Variants in ANKRD42 observed in about 807,000 individuals in gnomAD.
ANKRD42 encodes ankyrin repeat domain 42.
In ANKRD42, 43 loss-of-function variants were observed where a neutral mutation model predicts 51.5. That is an observed-to-expected ratio of 0.83 (90% confidence interval 0.65 to 1.08). The LOEUF is 1.08. Among genes scored for constraint, ANKRD42 ranks in the 50% least tolerant of loss-of-function variants. The pLI, the probability that ANKRD42 is intolerant of heterozygous loss-of-function variation, is 0.00. For synonymous variants in ANKRD42, 203 were observed against 213.0 expected (o/e 0.95, Z 0.41); for missense variants, 608 against 629.3 (o/e 0.97, Z 0.36).
intron 11 of ANKRD42, among the ~76,000 whole-genome samples, chr11:83,254,710 C>T (rs993992421): frequency 2.6e-5 from 4 of 152,150 alleles, no homozygotes; most frequent in African/African-American, 4.8e-5. Flanking sequence ...CGTGAGCCAC[C>T]GCACCTGGCC....
chr11:83,208,041 T>G (rs1862145991), intron 3 of ANKRD42, among the ~76,000 whole-genome samples: 1 of 152,150 alleles, frequency 6.6e-6, no homozygotes, highest in Non-Finnish European at 1.5e-5. Context: ...TTTTGTTTTT[T>G]GAGACAGGGT....
intron 5 of ANKRD42, among the ~76,000 whole-genome samples, chr11:83,219,511 T>G (rs2135519424): frequency 6.6e-6 from 1 of 152,328 alleles, no homozygotes; most frequent in African/African-American, 2.4e-5. Flanking sequence ...GTGGATGTCC[T>G]CTAGGCCAGG....
chr11:83,222,587 A>AT (rs1383686050), intron 5 of ANKRD42, among the ~76,000 whole-genome samples: 3 of 152,194 alleles, frequency 2.0e-5, no homozygotes, highest in African/African-American at 7.2e-5. Context: ...GAGGAAGCAG[A>AT]TTTTGTGGAT....
At chr11:83,222,041 C>G (rs1351737970) in intron 5 of ANKRD42, among the ~76,000 whole-genome samples, 1 of 152,148 alleles carries the variant, frequency 6.6e-6, no homozygotes, top group Non-Finnish European at 1.5e-5. Context: ...TTTCCATGAA[C>G]TTTGTGCTGG....
At position 83,234,183 on chromosome 11, in the gene ANKRD42, C is replaced by T. The variant is rs548630861; in HGVS notation, c.914-2221C>T. Among the ~76,000 whole-genome samples the T allele has an allele frequency of 9.9e-5, 15 of 152,268 alleles. No homozygotes were observed. The South Asian group carries it at 2.7e-3, about 27-fold the overall frequency. On this transcript the variant is annotated intron_variant, in intron 7 of 10. Coordinates refer to ENST00000533342, the MANE Select transcript of ANKRD42 (RefSeq NM_001300975.2). ...TCAGTCATTCAGAAGTACATTAAGA[C>T]ATTACCCTTTTCTTGGGTACCATCT...
At chr11:83,218,016 T>C (rs1862594334) in intron 5 of ANKRD42, among the ~76,000 whole-genome samples, 1 of 152,238 alleles carries the variant, frequency 6.6e-6, no homozygotes, top group Non-Finnish European at 1.5e-5. Context: ...AGGCAAACTT[T>C]TGGAGTTTTC....
At chr11:83,256,011 A>G (rs925506697) in exon 12 of ANKRD42, 9 of 1,048,192 alleles carry the variant, frequency 8.6e-6, no homozygotes, top group Non-Finnish European at 1.1e-5. Flanking sequence ...AGTCTATACA[A>G]ACTATCTCAG....
At chr11:83,241,238 T>C (rs1863377636) in intron 9 of ANKRD42, among the ~76,000 whole-genome samples, 1 of 152,192 alleles carries the variant, frequency 6.6e-6, no homozygotes, top group African/African-American at 2.4e-5. Context: ...CCATGGTTAG[T>C]TGGCAAATGA....
Position 83,248,399 on chromosome 11 carries a change from A to G in ANKRD42, c.*195A>G. ...ATCTGTCTATCTATCTTCAAACAGCAGCCTAGTTCATAAGTATTATTGTTA... is the reference window on the plus strand; with the variant it reads ...ATCTGTCTATCTATCTTCAAACAGCGGCCTAGTTCATAAGTATTATTGTTA... On this transcript the variant is annotated 3_prime_UTR_variant, in exon 11 of 11. Coordinates refer to ENST00000533342, the MANE Select transcript of ANKRD42 (RefSeq NM_001300975.2). The G allele has an allele frequency of 4.7e-6, 6 of 1,286,268 alleles. No individual in the cohort carries two copies. The highest frequency in any genetic ancestry group is 3.0e-5 in the East Asian group (1 of 32,974). 79.7% of individuals were successfully genotyped at this position (1,286,268 alleles called of 1,614,324 possible).
intron 2 of ANKRD42, among the ~76,000 whole-genome samples, chr11:83,202,317 C>T (rs534499304): frequency 6.6e-6 from 1 of 152,216 alleles, no homozygotes; most frequent in Non-Finnish European, 1.5e-5. Context: ...GGTGTTATTT[C>T]TGAGCACTCT....
downstream of ANKRD42, among the ~76,000 whole-genome samples, chr11:83,251,708 T>C (rs1863678270): frequency 6.6e-6 from 1 of 152,204 alleles, no homozygotes; most frequent in Non-Finnish European, 1.5e-5. Flanking sequence ...TTTTTAATTT[T>C]AGTAAATTAA....
chr11:83,243,908 C>T (rs1863463639), intron 9 of ANKRD42, among the ~76,000 whole-genome samples: 2 of 150,580 alleles, frequency 1.3e-5, no homozygotes, highest in Admixed American at 1.3e-4. Context: ...TCGTGATCTG[C>T]CTGCCTCGGC....
At chr11:83,197,447 TA>T (rs1861702177) in intron 1 of ANKRD42, among the ~76,000 whole-genome samples, 1 of 152,206 alleles carries the variant, frequency 6.6e-6, no homozygotes, top group African/African-American at 2.4e-5. Context: ...AAAGATGTAA[TA>T]AAAGTAAGAT....
rs1863252900 is a variant in ANKRD42 at position 83,237,328 on chromosome 11, A to G, written c.1019+819A>G. On this transcript the variant is annotated intron_variant, in intron 8 of 10. Coordinates refer to ENST00000533342, the MANE Select transcript of ANKRD42 (RefSeq NM_001300975.2). ...AGAAACTTTAATACAGAGGAAGGTAAAAGTTATGAAGGAAACTGCATGGGG... is the reference window on the plus strand; with the variant it reads ...AGAAACTTTAATACAGAGGAAGGTAGAAGTTATGAAGGAAACTGCATGGGG... Among the ~76,000 whole-genome samples, 3 of 152,222 alleles carry G rather than the reference A, an allele frequency of 2.0e-5. No individual in the cohort carries two copies. The South Asian group carries it at 6.2e-4, about 31-fold the overall frequency.
rs143461839 is a variant in ANKRD42 at position 83,236,771 on chromosome 11, A to G, written c.1019+262A>G. Among the ~76,000 whole-genome samples, 29 of 152,300 alleles carry G rather than the reference A, an allele frequency of 1.9e-4. No individual in the cohort carries two copies. In the East Asian group the frequency reaches 4.2e-3, roughly 22 times the overall value. ...GGAAATGTTGGGGAAGGTTGTCACAATGACCAGAGACCTTCACCAACTGGA... is the reference window on the plus strand; with the variant it reads ...GGAAATGTTGGGGAAGGTTGTCACAGTGACCAGAGACCTTCACCAACTGGA... On this transcript the variant is annotated intron_variant, in intron 8 of 10. Coordinates refer to ENST00000533342, the MANE Select transcript of ANKRD42 (RefSeq NM_001300975.2).
chr11:83,197,063 A>T (rs752342765), intron 1 of ANKRD42, among the ~76,000 whole-genome samples: 3 of 152,032 alleles, frequency 2.0e-5, no homozygotes, highest in Non-Finnish European at 2.9e-5. Context: ...GATTAACATC[A>T]CTGAACGTTT....
Position 83,211,297 on chromosome 11 carries a change from T to A in ANKRD42, c.453T>A (p.Asp151Glu), listed in dbSNP as rs1862306713. ...TLQIMLRSGV[D>E]PSVTDKREWR... ...GTCCTTGTGAATGTTACCTCTAGGATCCCAGTGTGACTGATAAGAGAGAAT... is the reference window on the plus strand; with the variant it reads ...GTCCTTGTGAATGTTACCTCTAGGAACCCAGTGTGACTGATAAGAGAGAAT... Residue 151 changes from aspartate (D) to glutamate (E), a missense_variant and splice_region_variant, in exon 5 of 11, where the codon GAT becomes GAA. Coordinates refer to ENST00000533342, the MANE Select transcript of ANKRD42 (RefSeq NM_001300975.2). 6.2e-7 allele frequency: 1 copy of A among 1,614,174 alleles called. No individual in the cohort carries two copies. Among genetic ancestry groups the A allele is most frequent in the Non-Finnish European group, 8.5e-7 (1 of 1,180,022 alleles).
At chr11:83,196,228 A>G (rs1289364273) in intron 1 of ANKRD42, among the ~76,000 whole-genome samples, 1 of 152,218 alleles carries the variant, frequency 6.6e-6, no homozygotes, top group East Asian at 1.9e-4. Flanking sequence ...TCAGCCTTAC[A>G]GCTCTCAATC....
At chr11:83,250,579 C>A (rs1193359833), downstream of ANKRD42, among the ~76,000 whole-genome samples, 1 of 152,150 alleles carries the variant, frequency 6.6e-6, no homozygotes, top group East Asian at 1.9e-4. Context: ...ACTATCAAAT[C>A]CATACTTAAG....
Sources: allele counts gnomAD v4.1 joint callset (sites outside exome capture counted in the v4.1 genomes callset), GRCh38; gene constraint gnomAD v4.1.1; transcripts MANE v1.5; gene names NCBI Gene and HGNC (gene_info 2026-07-23, HGNC 2026-07-21).